NLGN2: variants seen among roughly 807,000 people sequenced by gnomAD.
The protein encoded by NLGN2 is neuroligin 2.
In NLGN2, 11 loss-of-function variants were observed where a neutral mutation model predicts 48.6. The observed-to-expected ratio is 0.23, with a 90% CI of 0.14 to 0.37. NLGN2 has a LOEUF of 0.37. Among genes scored for constraint, NLGN2 ranks in the 10% least tolerant of loss-of-function variants. NLGN2 has a pLI of 1.00. For synonymous variants in NLGN2, 548 were observed against 550.0 expected (o/e 1.00, Z 0.05); for missense variants, 801 against 1,225.2 (o/e 0.65, Z 5.17).
At chr17:7,410,394 T>C (rs2150812785) in intron 1 of NLGN2, among the ~76,000 whole-genome samples, 1 of 151,884 alleles carries the variant, frequency 6.6e-6, no homozygotes, top group Non-Finnish European at 1.5e-5. Flanking sequence ...CCATAAGCCA[T>C]TTATCCCAGT....
Position 7,416,738 on chromosome 17 carries a change from G to T in NLGN2, c.1635-188G>T, listed in dbSNP as rs142265512. On this transcript the variant is annotated intron_variant, in intron 6 of 6. Transcript: ENST00000302926. Reference sequence around the variant, plus strand: ...TCCATCCCTATTTGCCTATTTGCCTGAAGAGACAGGCAGTTTCTCTGTCTC... The same window carrying T: ...TCCATCCCTATTTGCCTATTTGCCTTAAGAGACAGGCAGTTTCTCTGTCTC... Among the ~76,000 whole-genome samples, 1,026 of 152,192 alleles carry T rather than the reference G, an allele frequency of 6.7e-3. 6 individuals are homozygous for T. The highest frequency in any genetic ancestry group is 0.021 in the African/African-American group (861 of 41,498).
In NLGN2 at chr17:7,417,278, G is replaced by C. The variant is rs1276460591; in HGVS notation, c.1987G>C (p.Asp663His). Residue 663 changes from aspartate (D) to histidine (H), a missense_variant, in exon 7 of 7, where the codon GAC (aspartate) becomes CAC (histidine). Physicochemically the swap from Asp to His is moderately conservative, Grantham distance 81 (BLOSUM62 -1). Transcript: ENST00000302926. ...PEPEPGPRAY[D>H]RFPGDSRDYS... ...GCCCGAGCCCGGCCCAAGGGCCTAT[G>C]ACCGCTTCCCCGGGGACTCACGGGA... The C allele has an allele frequency of 6.3e-7, 1 of 1,596,396 alleles. No homozygotes were observed. The highest frequency in any genetic ancestry group is 8.5e-7 in the Non-Finnish European group (1 of 1,173,414).
rs1268349734 is a variant in NLGN2, at chr17:7,414,366, G to A, written c.531G>A (p.Lys177=). Residue 177 remains lysine (K), a synonymous_variant, in exon 3 of 7, where the codon AAG becomes AAA. Transcript: ENST00000302926. Reference sequence around the variant, plus strand: ...CAGATATCCGTGACCCTGGGAAGAAGCCTGTGATGCTGTTTCTCCATGGCG... The same window carrying A: ...CAGATATCCGTGACCCTGGGAAGAAACCTGTGATGCTGTTTCTCCATGGCG... ...PDTDIRDPGK[K]PVMLFLHGGS... The A allele has an allele frequency of 6.4e-7, 1 of 1,550,960 alleles. No individual in the cohort carries two copies.
At position 7,418,811 on chromosome 17, in the gene NLGN2, C is replaced by T. The variant is rs1376395653; in HGVS notation, c.*1012C>T. ...AGGCCACGCATGTTTGACCAAAGCC[C>T]TCATTGTGGTCCGAGGACAGCCTTT... is the stretch of plus-strand genomic sequence containing the variant. On this transcript the variant is annotated 3_prime_UTR_variant, in exon 7 of 7. Coordinates refer to ENST00000302926, the MANE Select transcript of NLGN2 (RefSeq NM_020795.4). 1 of 152,656 alleles carries T rather than the reference C, an allele frequency of 6.6e-6. No homozygotes were observed. Among genetic ancestry groups the T allele is most frequent in the East Asian group, 1.9e-4 (1 of 5,194 alleles). 9.5% of individuals were successfully genotyped at this position (152,656 alleles called of 1,614,324 possible).
upstream of NLGN2, chr17:7,404,782 A>AGGGCGGGC (rs1334567906): frequency 6.6e-6 from 1 of 151,682 alleles, no homozygotes; most frequent in Non-Finnish European, 1.5e-5. Context: ...CATTCTCCGG[A>AGGGCGGGC]GGGCGGGCGG....
upstream of NLGN2, among the ~76,000 whole-genome samples, chr17:7,407,819 A>G (rs1049534798): frequency 2.0e-5 from 3 of 152,046 alleles, no homozygotes; most frequent in African/African-American, 2.4e-5. Flanking sequence ...GGGAGGTGTC[A>G]GGGGGCCTGT....
Position 7,417,643 on chromosome 17 carries a change from C to G in NLGN2, c.2352C>G (p.Ala784=). The part of the protein sequence containing the change: ...RRAPDDVPLL[A]PGALTLLPSG... ...CACCGGACGATGTGCCTCTCTTGGC[C>G]CCCGGGGCCCTGACCCTGCTGCCCA... Residue 784 remains alanine (A), a synonymous_variant, in exon 7 of 7, where the codon GCC becomes GCG. Coordinates refer to ENST00000302926, the MANE Select transcript of NLGN2 (RefSeq NM_020795.4). 1 of 1,405,228 alleles carries G rather than the reference C, an allele frequency of 7.1e-7. No homozygotes were observed. Among genetic ancestry groups the G allele is most frequent in the Non-Finnish European group, 9.2e-7 (1 of 1,088,968 alleles). The allele number at this position is 1,405,228 out of a possible 1,614,324, so 87.0% of individuals were successfully genotyped here. A position where few individuals can be genotyped will look rare whatever the true frequency, so the allele number is the denominator to read the frequency against.
At chr17:7,416,340 C>T (rs1452661809) in intron 6 of NLGN2, among the ~76,000 whole-genome samples, 1 of 151,788 alleles carries the variant, frequency 6.6e-6, no homozygotes, top group African/African-American at 2.4e-5. Context: ...GGCTTGGCGT[C>T]TGTCTCTCCC....
At chr17:7,410,200 A>G (rs968990915) in intron 1 of NLGN2, among the ~76,000 whole-genome samples, 1 of 142,998 alleles carries the variant, frequency 7.0e-6, no homozygotes, top group African/African-American at 2.5e-5. Context: ...CAAACACGGA[A>G]CATCTCATGC....
rs756832511 is a variant in NLGN2 at position 7,414,483 on chromosome 17, T to C, written c.648T>C (p.Leu216=). 3 of 1,612,830 alleles carry C rather than the reference T, an allele frequency of 1.9e-6. No individual in the cohort carries two copies. Among genetic ancestry groups the C allele is most frequent in the Non-Finnish European group, 2.5e-6 (3 of 1,178,984 alleles). ...NVIVATLNYR[L]GVLGFLSTGD... is the part of the protein sequence containing the mutation. ...TTGTAGCCACGCTCAACTACCGTCT[T>C]GGGGTGCTCGGTGAGGGTGGGCAGC... The change falls in exon 3 of 7, where the codon CTT becomes CTC. Residue 216 remains leucine, a synonymous_variant. Coordinates refer to ENST00000302926, the MANE Select transcript of NLGN2 (RefSeq NM_020795.4).
rs866172641 is a variant in NLGN2, at chr17:7,408,487, C to A, written c.232C>A (p.Pro78Thr). Reference sequence around the variant, plus strand: ...CTTGGGCGTGCCCTACGCCACGCCGCCCCTGGGCGCCCGCCGCTTCCAGCC... The same window carrying A: ...CTTGGGCGTGCCCTACGCCACGCCGACCCTGGGCGCCCGCCGCTTCCAGCC... ...QFLGVPYATPPLGARRFQPPE... is the reference protein window; with the variant it reads ...QFLGVPYATPTLGARRFQPPE... The change falls in exon 1 of 7, where the codon CCC (proline) becomes ACC (threonine). Residue 78 changes from proline to threonine, a missense_variant. Transcript: ENST00000302926. This position sits in a 1 kb window ranked among gnomAD's most constrained non-coding sequence, Gnocchi z 7.5. The A allele has an allele frequency of 6.7e-7, 1 of 1,496,766 alleles. No individual in the cohort carries two copies. The highest frequency in any genetic ancestry group is 8.9e-7 in the Non-Finnish European group (1 of 1,127,268). The allele number at this position is 1,496,766 out of a possible 1,614,324, so 92.7% of individuals were successfully genotyped here. A position where few individuals can be genotyped will look rare whatever the true frequency, so the allele number is the denominator to read the frequency against.
At chr17:7,415,197 G>A in intron 5 of NLGN2, 49 bp downstream of exon 5, 3 of 1,519,352 alleles carry the variant, frequency 2.0e-6, no homozygotes, top group Non-Finnish European at 2.7e-6. Context: ...TTCCAAGGAG[G>A]CTGAGGTGAG....
chr17:7,415,248 T>G, intron 5 of NLGN2, 100 bp downstream of exon 5: 1 of 1,151,606 alleles, frequency 8.7e-7, no homozygotes, highest in Non-Finnish European at 1.2e-6. Flanking sequence ...AGGGATGGGC[T>G]TCTGGCCCCC....
chr17:7,414,339 C>T lies in NLGN2; in HGVS notation c.509-5C>T, dbSNP rs1299148908. ...TGGCCCACCTGCCCACCCCTCCCCACACAGATATCCGTGACCCTGGGAAGA... is the reference window on the plus strand; with the variant it reads ...TGGCCCACCTGCCCACCCCTCCCCATACAGATATCCGTGACCCTGGGAAGA... On this transcript the variant is annotated splice_region_variant and splice_polypyrimidine_tract_variant and intron_variant, in intron 2 of 6. Coordinates refer to ENST00000302926, the MANE Select transcript of NLGN2 (RefSeq NM_020795.4). 1.9e-6 allele frequency: 3 copies of T among 1,585,380 alleles called. No homozygotes were observed. Among genetic ancestry groups the T allele is most frequent in the African/African-American group, 2.7e-5 (2 of 74,204 alleles).
At chr17:7,416,693 G>C (rs1405212131) in intron 6 of NLGN2, among the ~76,000 whole-genome samples, 1 of 151,960 alleles carries the variant, frequency 6.6e-6, no homozygotes, top group East Asian at 1.9e-4. Context: ...CGCATTTCTG[G>C]CTGTCTCTGC....
chr17:7,413,416 G>C lies in NLGN2; in HGVS notation c.509-928G>C, dbSNP rs1197279752. 1.3e-5 allele frequency among the ~76,000 whole-genome samples: 2 copies of C among 152,308 alleles called. No individual in the cohort carries two copies. Among genetic ancestry groups the C allele is most frequent in the Admixed American group, 6.5e-5 (1 of 15,308 alleles). ...GGCTAGCAGGGAGGGCCAGTGTCAA[G>C]AAAGAGGAGGGCCTGTGGGCCAGGG... On this transcript the variant is annotated intron_variant, in intron 2 of 6. Coordinates refer to ENST00000302926, the MANE Select transcript of NLGN2 (RefSeq NM_020795.4). This position sits in a 1 kb window ranked among gnomAD's most constrained non-coding sequence, Gnocchi z 4.9.
rs1017008848 is a variant in NLGN2, at chr17:7,413,759, A to G, written c.509-585A>G. ...CACAGTAATTAGGCTGGGGGTTGCC[A>G]TGGTGACTGGGGAGGTGACCTAGAA... is the stretch of plus-strand genomic sequence containing the variant. On this transcript the variant is annotated intron_variant, in intron 2 of 6. Coordinates refer to ENST00000302926, the MANE Select transcript of NLGN2 (RefSeq NM_020795.4). This position sits in a 1 kb window ranked among gnomAD's most constrained non-coding sequence, Gnocchi z 4.9. Among the ~76,000 whole-genome samples the G allele has an allele frequency of 2.0e-5, 3 of 152,008 alleles. No homozygotes were observed. The highest frequency in any genetic ancestry group is 6.5e-5 in the Admixed American group (1 of 15,270).
intron 2 of NLGN2, among the ~76,000 whole-genome samples, chr17:7,412,707 C>T (rs1002979331): frequency 1.3e-5 from 2 of 151,896 alleles, no homozygotes; most frequent in Non-Finnish European, 2.9e-5. Flanking sequence ...CGCAAACATT[C>T]GAAGTGAATT....
intron 1 of NLGN2, 43 bp from the exon 2 acceptor site, chr17:7,412,114 A>G (rs1432083006): frequency 1.1e-5 from 11 of 1,003,368 alleles, no homozygotes; most frequent in Non-Finnish European, 1.4e-5. Flanking sequence ...ATCTTTCCCC[A>G]CAAAATTGTC....
Sources: allele counts gnomAD v4.1 joint callset (sites outside exome capture counted in the v4.1 genomes callset), GRCh38; gene constraint gnomAD v4.1.1; non-coding constraint Gnocchi (gnomAD v3.1); transcripts MANE v1.5; gene names NCBI Gene and HGNC (gene_info 2026-07-23, HGNC 2026-07-21).